The following SMIM10L3 variants were observed in gnomAD, a reference collection of about 807,000 sequenced individuals.
The protein encoded by SMIM10L3 is salivary gland specific protein SAGSIN1.
chr7:6,347,286 G>A, the SMIM10L3 span, among the ~76,000 whole-genome samples: 16 of 152,274 alleles, frequency 1.1e-4, no homozygotes, highest in Admixed American at 7.9e-4. Context: ...AGGTCGAGGC[G>A]GGCAGATCAC....
chr7:6,344,370 G>A, the SMIM10L3 span, among the ~76,000 whole-genome samples: 2 of 152,260 alleles, frequency 1.3e-5, no homozygotes, highest in East Asian at 3.9e-4. Context: ...CCACCCCCAT[G>A]ATGTGACATG....
chr7:6,347,920 T>TTATTAC, the SMIM10L3 span, among the ~76,000 whole-genome samples: 1 of 147,362 alleles, frequency 6.8e-6, no homozygotes, highest in Non-Finnish European at 1.5e-5. Context: ...ATTATTATTA[T>TTATTAC]TATTATTGAG....
chr7:6,333,758 TGAA>T, the SMIM10L3 span, among the ~76,000 whole-genome samples: 1 of 150,704 alleles, frequency 6.6e-6, no homozygotes, highest in African/African-American at 2.4e-5. Context: ...GTAGGTGACT[TGAA>T]GAACAAGTGT....
the SMIM10L3 span, chr7:6,348,746 G>C: frequency 2.4e-6 from 1 of 410,102 alleles, no homozygotes; most frequent in Non-Finnish European, 4.3e-6. Flanking sequence ...AGGCCCGACA[G>C]AGCCGCCGCC....
the SMIM10L3 span, among the ~76,000 whole-genome samples, chr7:6,338,352 G>A: frequency 1.3e-3 from 201 of 152,192 alleles, no homozygotes; most frequent in Non-Finnish European, 2.1e-3. Flanking sequence ...GCCTCCTCAT[G>A]CCATGTTAAT....
the SMIM10L3 span, among the ~76,000 whole-genome samples, chr7:6,340,791 C>G: frequency 6.7e-6 from 1 of 149,832 alleles, no homozygotes; most frequent in African/African-American, 2.5e-5. Flanking sequence ...CCCAGCTACT[C>G]GGGAGGCTGA....
the SMIM10L3 span, among the ~76,000 whole-genome samples, chr7:6,339,628 C>T: frequency 6.6e-6 from 1 of 151,946 alleles, no homozygotes; most frequent in Admixed American, 6.6e-5. Context: ...GGACTACAGG[C>T]GCCCGCCACC....
chr7:6,332,886 C>T, the SMIM10L3 span, among the ~76,000 whole-genome samples: 15 of 152,136 alleles, frequency 9.9e-5, no homozygotes, highest in Admixed American at 3.9e-4. Flanking sequence ...TTTGGCCAGG[C>T]GCAGTGGCTC....
chr7:6,338,073 C>T, the SMIM10L3 span, among the ~76,000 whole-genome samples: 3 of 151,986 alleles, frequency 2.0e-5, no homozygotes, highest in Non-Finnish European at 2.9e-5. Flanking sequence ...CAAAGCACTG[C>T]GATTACAGGC....
the SMIM10L3 span, chr7:6,330,593 G>A: frequency 6.2e-7 from 1 of 1,614,180 alleles, no homozygotes; most frequent in Non-Finnish European, 8.5e-7. Flanking sequence ...ATGGAGTGCA[G>A]GCAAGCGGGT....
chr7:6,346,811 G>C, the SMIM10L3 span, among the ~76,000 whole-genome samples: 1 of 152,134 alleles, frequency 6.6e-6, no homozygotes, highest in African/African-American at 2.4e-5. Flanking sequence ...CCAAACCGAC[G>C]TTAGAAAGGG....
At chr7:6,348,005 G>A in the SMIM10L3 span, among the ~76,000 whole-genome samples, 1 of 151,352 alleles carries the variant, frequency 6.6e-6, no homozygotes, top group Non-Finnish European at 1.5e-5. Flanking sequence ...GCGCCTCCCA[G>A]GTTCCAGCGA....
chr7:6,345,850 C>A, the SMIM10L3 span, among the ~76,000 whole-genome samples: 1 of 151,972 alleles, frequency 6.6e-6, no homozygotes, highest in African/African-American at 2.4e-5. Flanking sequence ...CTCACTGCAA[C>A]CTCCATCTCC....
chr7:6,348,411 C>A, the SMIM10L3 span, among the ~76,000 whole-genome samples: 3 of 152,168 alleles, frequency 2.0e-5, no homozygotes, highest in Non-Finnish European at 4.4e-5. Context: ...GGGATAAGGA[C>A]CACCTCAGTG....
the SMIM10L3 span, among the ~76,000 whole-genome samples, chr7:6,334,873 A>AT: frequency 6.6e-6 from 1 of 151,858 alleles, no homozygotes; most frequent in Non-Finnish European, 1.5e-5. Flanking sequence ...GGTTCAAGTG[A>AT]TTCTCCTGCC....
the SMIM10L3 span, among the ~76,000 whole-genome samples, chr7:6,333,939 C>T: frequency 2.8e-4 from 42 of 150,480 alleles, no homozygotes; most frequent in African/African-American, 7.3e-4. Context: ...CTCCACCTCC[C>T]GGGTTCACGC....
chr7:6,331,108 T>C, the SMIM10L3 span: 2 of 1,613,388 alleles, frequency 1.2e-6, no homozygotes, highest in Non-Finnish European at 1.7e-6. Context: ...TCCGGCCTGC[T>C]GCACTTGTGC....
chr7:6,334,020 G>C, the SMIM10L3 span, among the ~76,000 whole-genome samples: 1 of 150,638 alleles, frequency 6.6e-6, no homozygotes, highest in Admixed American at 6.6e-5. Context: ...CTAATTTTTC[G>C]TATTTTTAGT....
chr7:6,335,533 G>A, the SMIM10L3 span, among the ~76,000 whole-genome samples: 13 of 151,668 alleles, frequency 8.6e-5, no homozygotes, highest in South Asian at 8.3e-4. Context: ...CAGCCTAGCC[G>A]TTAATATGTG....
Sources: allele counts gnomAD v4.1 joint callset (sites outside exome capture counted in the v4.1 genomes callset), GRCh38; gene constraint gnomAD v4.1.1; transcripts MANE v1.5; gene names NCBI Gene and HGNC (gene_info 2026-07-23, HGNC 2026-07-21).